The following SPATA13 variants were observed in gnomAD, a reference collection of about 807,000 sequenced individuals.
SPATA13 encodes spermatogenesis-associated protein 13.
In SPATA13, 50 loss-of-function variants were observed where a neutral mutation model predicts 104.0. The ratio of observed to expected loss-of-function variants is 0.48; its 90% CI spans 0.38 to 0.61. The LOEUF (loss-of-function observed/expected upper bound fraction) is 0.61. Ranked by LOEUF, SPATA13 falls within the 20% of genes least tolerant of loss-of-function variation. The probability of loss-of-function intolerance (pLI) is 0.00; values close to 1 mark genes in which losing one functional copy is unlikely to be tolerated. For missense variants in SPATA13, 1,524 were observed against 1,690.6 expected, an observed-to-expected ratio of 0.90 and a Z score of 1.73; for synonymous variants, 606 against 667.5, an observed-to-expected ratio of 0.91 and a Z score of 1.42.
intron 1 of SPATA13, among the ~76,000 whole-genome samples, chr13:24,165,401 A>G (rs1055732729): frequency 6.6e-6 from 1 of 152,118 alleles, no homozygotes; most frequent in African/African-American, 2.4e-5. Flanking sequence ...ACCCCCATTC[A>G]TACCAGAGCA....
chr13:24,235,605 T>A (rs1237144737), intron 2 of SPATA13, among the ~76,000 whole-genome samples: 2 of 151,756 alleles, frequency 1.3e-5, no homozygotes, highest in Non-Finnish European at 2.9e-5. Context: ...TAAAAAAAAA[T>A]AAAAAGCCAG....
At chr13:24,142,053 G>C (rs1256949899) in intron 3 of SPATA13, among the ~76,000 whole-genome samples, 1 of 151,838 alleles carries the variant, frequency 6.6e-6, no homozygotes, top group East Asian at 1.9e-4. Flanking sequence ...AATAATTGTG[G>C]TTTACGGTCC....
At chr13:24,154,129 A>T (rs1882185793) in intron 3 of SPATA13, among the ~76,000 whole-genome samples, 1 of 152,040 alleles carries the variant, frequency 6.6e-6, no homozygotes, top group Admixed American at 6.5e-5. Flanking sequence ...GCATTTTGAA[A>T]AAAAAAGCTT....
upstream of SPATA13, chr13:24,160,716 G>A: frequency 1.0e-6 from 1 of 985,664 alleles, no homozygotes; most frequent in Non-Finnish European, 1.2e-6. Context: ...GGCGTGGCTT[G>A]GCTGAGTGTG....
At chr13:24,139,258 T>G (rs1357772853) in intron 3 of SPATA13, among the ~76,000 whole-genome samples, 1 of 152,146 alleles carries the variant, frequency 6.6e-6, no homozygotes, top group African/African-American at 2.4e-5. Flanking sequence ...CAGTTTCGGG[T>G]CCACCCTACT....
intron 2 of SPATA13, chr13:24,017,563 TA>T (rs1876775950): frequency 2.3e-6 from 1 of 437,434 alleles, no homozygotes; most frequent in Non-Finnish European, 3.0e-6. Flanking sequence ...TGTTTACATA[TA>T]TTTTTTAGAT....
chr13:24,288,072 T>C (rs2138740723), intron 7 of SPATA13, among the ~76,000 whole-genome samples: 1 of 152,346 alleles, frequency 6.6e-6, no homozygotes, highest in South Asian at 2.1e-4. Flanking sequence ...GAAGCAGGTC[T>C]GCAGTGCCAT....
intron 3 of SPATA13, among the ~76,000 whole-genome samples, chr13:24,118,828 C>G (rs1423961105): frequency 6.6e-6 from 1 of 152,184 alleles, no homozygotes; most frequent in Non-Finnish European, 1.5e-5. Flanking sequence ...ATTTGGCTAA[C>G]CACACGCTGG....
At chr13:24,144,989 C>T (rs1881883410) in intron 3 of SPATA13, among the ~76,000 whole-genome samples, 1 of 152,070 alleles carries the variant, frequency 6.6e-6, no homozygotes, top group Non-Finnish European at 1.5e-5. Context: ...ACACAGAGGT[C>T]CCTTGGGTAG....
chr13:24,031,615 A>G (rs1284627427), intron 3 of SPATA13, among the ~76,000 whole-genome samples: 1 of 152,226 alleles, frequency 6.6e-6, no homozygotes, highest in Admixed American at 6.5e-5. Flanking sequence ...CTACCACAGA[A>G]TAGGTCAAAC....
intron 3 of SPATA13, among the ~76,000 whole-genome samples, chr13:24,081,293 G>A (rs921898807): frequency 8.5e-5 from 13 of 152,128 alleles, no homozygotes; most frequent in African/African-American, 2.9e-4. Context: ...AAAGTTCACC[G>A]GTAATCTATA....
chr13:24,175,044 A>G (rs188698545), intron 1 of SPATA13, among the ~76,000 whole-genome samples: 85 of 152,168 alleles, frequency 5.6e-4, no homozygotes, highest in African/African-American at 2.0e-3. Flanking sequence ...ATTCTTTTAA[A>G]TTTGTTGAGG....
intron 3 of SPATA13, among the ~76,000 whole-genome samples, chr13:24,104,605 G>A (rs185016027): frequency 6.6e-6 from 1 of 152,294 alleles, no homozygotes; most frequent in East Asian, 1.9e-4. Context: ...CACTCATAGT[G>A]ACAATGAGAG....
In SPATA13 at chr13:24,109,297, T is replaced by G. The variant is rs1880560773; in HGVS notation, c.-112+91596T>G. Among the ~76,000 whole-genome samples, 2 of 152,232 alleles carry G rather than the reference T, an allele frequency of 1.3e-5. 1 individual carries two copies. The highest frequency in any genetic ancestry group is 4.1e-4 in the South Asian group (2 of 4,830). ...TGCAAAGGACATGAACTCATCCTTTTTTATGGCTACATAGTATTCCATGGT... is the reference window on the plus strand; with the variant it reads ...TGCAAAGGACATGAACTCATCCTTTGTTATGGCTACATAGTATTCCATGGT... On this transcript the variant is annotated intron_variant, in intron 3 of 14. Transcript: ENST00000424834.
At chr13:24,219,939 C>T (rs993562221) in intron 1 of SPATA13, among the ~76,000 whole-genome samples, 1 of 152,152 alleles carries the variant, frequency 6.6e-6, no homozygotes, top group African/African-American at 2.4e-5. Context: ...CCTGAAAGTC[C>T]CATATCCTGA....
intron 12 of SPATA13, among the ~76,000 whole-genome samples, chr13:24,301,071 T>C (rs1007339185): frequency 3.9e-5 from 6 of 152,292 alleles, no homozygotes; most frequent in South Asian, 2.1e-4. Context: ...ACCCAGGGGC[T>C]CTGATGCACT....
chr13:24,154,892 T>C lies in SPATA13; in HGVS notation c.-111-67927T>C, dbSNP rs535800977. Among the ~76,000 whole-genome samples the C allele has an allele frequency of 9.2e-5, 14 of 152,282 alleles. No homozygotes were observed. In the South Asian group the frequency reaches 2.1e-3, roughly 23 times the overall value. ...TTTGTTTTGAGACGGAGTTTTGCTC[T>C]TGTTGCCCAGGCTGGAGTGCAATAG... On this transcript the variant is annotated intron_variant, in intron 3 of 14. Transcript: ENST00000424834.
In SPATA13 at chr13:24,231,958, C is replaced by T. The variant is rs188653021; in HGVS notation, c.1653+7376C>T. Among the ~76,000 whole-genome samples the T allele has an allele frequency of 3.3e-4, 50 of 152,314 alleles. 1 individual carries two copies. Among genetic ancestry groups the T allele is most frequent in the Middle Eastern group, 3.4e-3 (1 of 294 alleles). On this transcript the variant is annotated intron_variant, in intron 2 of 12. Transcript: ENST00000382108. ...CTCATCATTTCATTGCATTCTTTGT[C>T]ATCCTTTTATTGAGCAGTTAAGGTT...
At chr13:24,202,759 A>G (rs1294189144) in intron 1 of SPATA13, among the ~76,000 whole-genome samples, 1 of 152,008 alleles carries the variant, frequency 6.6e-6, no homozygotes. Context: ...TATTTGAGAT[A>G]AGAAATTTTC....
Sources: gnomAD v4.1 joint callset for allele counts (sites outside exome capture counted in the v4.1 genomes callset) on GRCh38, gnomAD v4.1.1 for gene constraint, MANE v1.5 for transcripts, NCBI Gene and HGNC (gene_info 2026-07-23, HGNC 2026-07-21) for gene names.